The following SHISA9 variants were observed in gnomAD, a reference collection of about 807,000 sequenced individuals.
SHISA9 encodes shisa family member 9.
SHISA9 carries 13 observed loss-of-function variants against 38.0 expected under a neutral mutation model. That is an observed-to-expected ratio of 0.34 (90% confidence interval 0.22 to 0.54). The LOEUF (loss-of-function observed/expected upper bound fraction) is 0.54. SHISA9 is among the 20% of genes least tolerant of loss of function. The pLI is 0.91. For missense variants in SHISA9, 538 were observed against 575.8 expected (o/e 0.93, Z 0.67); for synonymous variants, 275 against 242.0 (o/e 1.14, Z -1.27).
intron 2 of SHISA9, among the ~76,000 whole-genome samples, chr16:12,951,355 C>T (rs565004867): frequency 4.6e-5 from 7 of 151,116 alleles, no homozygotes; most frequent in African/African-American, 1.5e-4. Context: ...TAGAAGTCGA[C>T]ACACTTTTTC....
the SHISA9 span, among the ~76,000 whole-genome samples, chr16:13,472,023 A>G: frequency 6.6e-6 from 1 of 152,208 alleles, no homozygotes; most frequent in Non-Finnish European, 1.5e-5. Flanking sequence ...GAGATGGTCT[A>G]GAGGAGCGTG....
At chr16:13,014,576 C>G (rs908691366) in intron 2 of SHISA9, among the ~76,000 whole-genome samples, 1 of 152,176 alleles carries the variant, frequency 6.6e-6, no homozygotes, top group Non-Finnish European at 1.5e-5. Context: ...CCTTCTGACT[C>G]CAGAATGAGC....
chr16:13,241,312 G>A (rs1448762938), downstream of SHISA9, among the ~76,000 whole-genome samples: 1 of 152,178 alleles, frequency 6.6e-6, no homozygotes, highest in East Asian at 1.9e-4. Context: ...GTCAGGACCA[G>A]CCTGGCCAAC....
intron 2 of SHISA9, among the ~76,000 whole-genome samples, chr16:12,934,758 C>T (rs933830687): frequency 7.2e-5 from 11 of 152,200 alleles, no homozygotes; most frequent in African/African-American, 1.9e-4. Flanking sequence ...AATTTTCTTT[C>T]CTCTCCTCTC....
chr16:13,268,237 C>T, the SHISA9 span, among the ~76,000 whole-genome samples: 1 of 152,172 alleles, frequency 6.6e-6, no homozygotes, highest in Non-Finnish European at 1.5e-5. Flanking sequence ...AAAAAATTTT[C>T]TCTAGCTCTT....
At chr16:13,388,857 A>G in the SHISA9 span, among the ~76,000 whole-genome samples, 1 of 152,216 alleles carries the variant, frequency 6.6e-6, no homozygotes. Context: ...CACGTCTAGT[A>G]GCATTCTTCC....
chr16:13,463,334 T>C, the SHISA9 span, among the ~76,000 whole-genome samples: 1 of 152,064 alleles, frequency 6.6e-6, no homozygotes, highest in East Asian at 1.9e-4. Context: ...GAGGACCATG[T>C]GGGCAGGAGA....
intron 4 of SHISA9, among the ~76,000 whole-genome samples, chr16:13,214,186 G>A (rs576347794): frequency 2.6e-5 from 4 of 152,204 alleles, no homozygotes; most frequent in African/African-American, 9.6e-5. Flanking sequence ...AGGAGGTGGA[G>A]GTAGAACTAT....
chr16:13,420,356 G>A, the SHISA9 span, among the ~76,000 whole-genome samples: 1 of 147,406 alleles, frequency 6.8e-6, no homozygotes, highest in African/African-American at 2.5e-5. Context: ...ATATTGAACA[G>A]ATAAATATGA....
the SHISA9 span, among the ~76,000 whole-genome samples, chr16:13,506,150 A>G: frequency 6.6e-6 from 1 of 152,222 alleles, no homozygotes; most frequent in Non-Finnish European, 1.5e-5. Flanking sequence ...ATTCTGCCTT[A>G]AGTAACTATC....
intron 2 of SHISA9, among the ~76,000 whole-genome samples, chr16:13,034,770 C>G (rs576078093): frequency 1.3e-5 from 2 of 152,284 alleles, no homozygotes; most frequent in South Asian, 4.1e-4. Context: ...TGTGTTTCTT[C>G]TTGCTGTTTT....
At chr16:13,067,864 C>T (rs1043773019) in intron 2 of SHISA9, among the ~76,000 whole-genome samples, 1 of 152,236 alleles carries the variant, frequency 6.6e-6, no homozygotes, top group Non-Finnish European at 1.5e-5. Flanking sequence ...CACCACTCTC[C>T]TGTCCTCCCA....
At chr16:13,295,594 G>T in the SHISA9 span, among the ~76,000 whole-genome samples, 1 of 152,144 alleles carries the variant, frequency 6.6e-6, no homozygotes, top group African/African-American at 2.4e-5. Flanking sequence ...TGCATATCAG[G>T]CTCGAAAGGC....
At chr16:13,351,246 C>A in the SHISA9 span, among the ~76,000 whole-genome samples, 9 of 152,266 alleles carry the variant, frequency 5.9e-5, no homozygotes, top group Non-Finnish European at 1.2e-4. Flanking sequence ...TCACGAACCG[C>A]TTGTTCTTCT....
chr16:13,119,310 C>T (rs913773245), intron 2 of SHISA9, among the ~76,000 whole-genome samples: 4 of 152,162 alleles, frequency 2.6e-5, no homozygotes, highest in African/African-American at 9.7e-5. Flanking sequence ...ATTTTAGAAC[C>T]TGGGTTTTCT....
the SHISA9 span, among the ~76,000 whole-genome samples, chr16:13,311,310 G>T: frequency 2.3e-4 from 35 of 151,988 alleles, no homozygotes; most frequent in Non-Finnish European, 4.3e-4. Flanking sequence ...AAAGAATAAA[G>T]ATTTTTAGTG....
At chr16:13,393,237 A>T in the SHISA9 span, among the ~76,000 whole-genome samples, 1 of 152,142 alleles carries the variant, frequency 6.6e-6, no homozygotes, top group East Asian at 1.9e-4. Context: ...CGGGTGTGTG[A>T]CCTGTGCAGT....
At chr16:13,014,943 A>G (rs779746418) in intron 2 of SHISA9, among the ~76,000 whole-genome samples, 4 of 152,234 alleles carry the variant, frequency 2.6e-5, no homozygotes, top group Non-Finnish European at 5.9e-5. Context: ...TCTCACCTAT[A>G]TGCCTCTTCC....
intron 2 of SHISA9, among the ~76,000 whole-genome samples, chr16:13,002,224 T>A (rs536423242): frequency 1.3e-5 from 2 of 152,340 alleles, no homozygotes; most frequent in South Asian, 4.1e-4. Context: ...AGGTGTCACA[T>A]GTTTAATGTC....
Sources: gnomAD v4.1 joint callset for allele counts (sites outside exome capture counted in the v4.1 genomes callset) on GRCh38, gnomAD v4.1.1 for gene constraint, MANE v1.5 for transcripts, NCBI Gene and HGNC (gene_info 2026-07-23, HGNC 2026-07-21) for gene names.